KHDRBS3: variants seen among roughly 807,000 people sequenced by gnomAD.
The protein encoded by KHDRBS3 is KH domain-containing, RNA-binding, signal transduction-associated protein 3.
Under a neutral mutation model 45.6 loss-of-function variants are expected in KHDRBS3, and 23 were observed. The observed-to-expected ratio is 0.50, with a 90% confidence interval of 0.36 to 0.72. KHDRBS3 has a LOEUF of 0.72. KHDRBS3 is among the 30% of genes least tolerant of loss of function. The pLI is 0.00. For synonymous variants in KHDRBS3, 162 were observed against 156.5 expected, an observed-to-expected ratio of 1.04 and a Z score of -0.26; for missense variants, 352 against 424.8, an observed-to-expected ratio of 0.83 and a Z score of 1.51.
intron 1 of KHDRBS3, among the ~76,000 whole-genome samples, chr8:135,476,554 T>TG: frequency 6.6e-6 from 1 of 152,214 alleles, no homozygotes; most frequent in East Asian, 1.9e-4. Flanking sequence ...ATGGAAATCA[T>TG]TATCCTTGCA....
Position 135,574,363 on chromosome 8 carries a change from T to C in KHDRBS3, c.612-7515T>C, listed in dbSNP as rs185895567. ...AAACTAATTTTCAAAATATCTTTTA[T>C]AGATAAGCGTCCAGAACAACTAGAT... On this transcript the variant is annotated intron_variant, in intron 5 of 8. Transcript: ENST00000355849. Among the ~76,000 whole-genome samples, 3 of 152,326 alleles carry C rather than the reference T, an allele frequency of 2.0e-5. No homozygotes were observed. The East Asian group carries it at 5.8e-4, about 29-fold the overall frequency.
chr8:135,613,810 G>A (rs1265913467), intron 7 of KHDRBS3, among the ~76,000 whole-genome samples: 3 of 151,538 alleles, frequency 2.0e-5, no homozygotes, highest in African/African-American at 7.3e-5. Flanking sequence ...ACAGCAAGGC[G>A]GCCTGGCTAC....
intron 1 of KHDRBS3, among the ~76,000 whole-genome samples, chr8:135,463,041 T>C (rs896933324): frequency 6.6e-6 from 1 of 152,212 alleles, no homozygotes; most frequent in Non-Finnish European, 1.5e-5. Flanking sequence ...CTGACCTTTT[T>C]CAAAATGGGT....
At chr8:135,588,563 G>A (rs1279463267) in intron 6 of KHDRBS3, among the ~76,000 whole-genome samples, 1 of 152,136 alleles carries the variant, frequency 6.6e-6, no homozygotes, top group Non-Finnish European at 1.5e-5. Context: ...CACAGGGATG[G>A]TTCCCTTGAC....
chr8:135,651,776 G>T (rs1276098955), downstream of KHDRBS3, among the ~76,000 whole-genome samples: 2 of 152,154 alleles, frequency 1.3e-5, no homozygotes, highest in Non-Finnish European at 2.9e-5. Context: ...TTATTTGACA[G>T]TGTAAGGGTT....
chr8:135,469,443 A>T lies in KHDRBS3; in HGVS notation c.88+11489A>T, dbSNP rs563371608. Among the ~76,000 whole-genome samples the T allele has an allele frequency of 3.5e-4, 51 of 147,146 alleles. 2 individuals carry two copies. The South Asian group carries it at 0.011, about 32-fold the overall frequency. On this transcript the variant is annotated intron_variant, in intron 1 of 8. Coordinates refer to ENST00000355849, the MANE Select transcript of KHDRBS3 (RefSeq NM_006558.3). ...GCTGGGACTACAGGCGCCCGCCACCACGCCAGGCTTATTTTTTGTATTTTT... is the reference window on the plus strand; with the variant it reads ...GCTGGGACTACAGGCGCCCGCCACCTCGCCAGGCTTATTTTTTGTATTTTT...
intron 5 of KHDRBS3, among the ~76,000 whole-genome samples, chr8:135,580,862 C>T (rs1302656182): frequency 6.6e-6 from 1 of 152,158 alleles, no homozygotes; most frequent in African/African-American, 2.4e-5. Context: ...ATCCACCTGC[C>T]TTGGCCTCCC....
At chr8:135,465,373 C>T (rs1402097645) in intron 1 of KHDRBS3, among the ~76,000 whole-genome samples, 1 of 152,196 alleles carries the variant, frequency 6.6e-6, no homozygotes, top group African/African-American at 2.4e-5. Flanking sequence ...GTGTGAGTAT[C>T]GACATCACTT....
chr8:135,493,081 A>G (rs940523008), intron 1 of KHDRBS3, among the ~76,000 whole-genome samples: 7 of 149,762 alleles, frequency 4.7e-5, no homozygotes, highest in African/African-American at 1.5e-4. Context: ...ATGTTACTGG[A>G]ATTTTTTTTT....
chr8:135,525,047 G>A (rs1202942155), intron 2 of KHDRBS3, among the ~76,000 whole-genome samples: 1 of 152,100 alleles, frequency 6.6e-6, no homozygotes, highest in African/African-American at 2.4e-5. Flanking sequence ...CTTTTATCTT[G>A]ATGAAGAGCC....
chr8:135,544,021 T>G (rs189477376), intron 3 of KHDRBS3, among the ~76,000 whole-genome samples: 1 of 152,332 alleles, frequency 6.6e-6, no homozygotes, highest in Non-Finnish European at 1.5e-5. Context: ...TTCAATTCTC[T>G]GACTCATCTA....
intron 5 of KHDRBS3, among the ~76,000 whole-genome samples, chr8:135,559,394 C>G (rs1477148687): frequency 6.6e-6 from 1 of 152,066 alleles, no homozygotes; most frequent in Non-Finnish European, 1.5e-5. Flanking sequence ...GCCCTGTCAC[C>G]CGGGCTGGAG....
At chr8:135,556,975 T>G (rs2130829705) in intron 4 of KHDRBS3, among the ~76,000 whole-genome samples, 1 of 152,354 alleles carries the variant, frequency 6.6e-6, no homozygotes. Context: ...CTGTGGTTCT[T>G]AACTACATGA....
intron 7 of KHDRBS3, among the ~76,000 whole-genome samples, chr8:135,614,814 G>A (rs1204519469): frequency 1.3e-5 from 2 of 151,770 alleles, no homozygotes; most frequent in Admixed American, 6.6e-5. Context: ...ACAGTAAGGC[G>A]GACTTTATTC....
chr8:135,469,640 C>T lies in KHDRBS3; in HGVS notation c.88+11686C>T, dbSNP rs1342495964. Among the ~76,000 whole-genome samples the T allele has an allele frequency of 5.3e-5, 8 of 151,872 alleles. No individual in the cohort carries two copies. In the East Asian group the frequency reaches 5.8e-4, roughly 11 times the overall value. ...GCCTCCCAGGTTCAAGCAATTCTCC[C>T]GCCTCAGCCTCCCCAGTAGCTGGGA... On this transcript the variant is annotated intron_variant, in intron 1 of 8. Coordinates refer to ENST00000355849, the MANE Select transcript of KHDRBS3 (RefSeq NM_006558.3).
chr8:135,631,588 C>T (rs1208666526), intron 7 of KHDRBS3, among the ~76,000 whole-genome samples: 1 of 152,148 alleles, frequency 6.6e-6, no homozygotes, highest in Admixed American at 6.5e-5. Flanking sequence ...GGGACAGTAA[C>T]ATGCATGAAG....
At chr8:135,580,525 G>A (rs1828150808) in intron 5 of KHDRBS3, among the ~76,000 whole-genome samples, 1 of 150,968 alleles carries the variant, frequency 6.6e-6, no homozygotes, top group South Asian at 2.1e-4. Flanking sequence ...TGAGCTTGGA[G>A]TTGTTCATAG....
chr8:135,563,327 A>G (rs1351803809), intron 5 of KHDRBS3, among the ~76,000 whole-genome samples: 1 of 152,068 alleles, frequency 6.6e-6, no homozygotes, highest in Admixed American at 6.6e-5. Flanking sequence ...GATCCTTCAC[A>G]TTTATTCTCC....
intron 7 of KHDRBS3, among the ~76,000 whole-genome samples, chr8:135,634,491 T>C (rs533105894): frequency 1.3e-5 from 2 of 152,360 alleles, no homozygotes; most frequent in African/African-American, 4.8e-5. Flanking sequence ...TATGTAAATA[T>C]TCCAATTATT....
Sources: gnomAD v4.1 joint callset for allele counts (sites outside exome capture counted in the v4.1 genomes callset) on GRCh38, gnomAD v4.1.1 for gene constraint, MANE v1.5 for transcripts, NCBI Gene and HGNC (gene_info 2026-07-23, HGNC 2026-07-21) for gene names.